MYO7B: variants seen among roughly 807,000 people sequenced by gnomAD.
MYO7B encodes the protein unconventional myosin-VIIb.
MYO7B carries 212 observed loss-of-function variants against 259.7 expected under a neutral mutation model. The ratio of observed to expected loss-of-function variants is 0.82; its 90% CI spans 0.73 to 0.91. The LOEUF is 0.91. Ranked by LOEUF, MYO7B falls within the 40% of genes least tolerant of loss-of-function variation. The pLI is 0.00. For synonymous variants in MYO7B, 1,197 were observed against 1,166.4 expected (o/e 1.03, Z -0.54); for missense variants, 2,732 against 2,813.5 (o/e 0.97, Z 0.66).
In MYO7B at chr2:127,627,171, C is replaced by G; in HGVS notation, c.4334-13C>G. On this transcript the variant is annotated splice_polypyrimidine_tract_variant and intron_variant, in intron 32 of 47. Transcript: ENST00000409816. The surrounding 1 kb of genome is among the most constrained non-coding windows in gnomAD (Gnocchi z 5.6). ...TCCCATGCAGCCTTCACACTGCCGT[C>G]TCTCCTGGCCAGGCCCCCGCCTGCC... The G allele has an allele frequency of 1.2e-6, 2 of 1,605,618 alleles. No individual in the cohort carries two copies. Among genetic ancestry groups the G allele is most frequent in the Non-Finnish European group, 1.7e-6 (2 of 1,176,272 alleles).
intron 39 of MYO7B, 58 bp from the exon 40 acceptor site, chr2:127,633,200 G>C (rs561685714): frequency 7.4e-7 from 1 of 1,355,566 alleles, no homozygotes; most frequent in East Asian, 2.5e-5. Context: ...ATCGGGGCTG[G>C]GGCATGGGTG....
intron 14 of MYO7B, among the ~76,000 whole-genome samples, chr2:127,588,045 T>G (rs1679368559): frequency 6.6e-6 from 1 of 152,238 alleles, no homozygotes; most frequent in African/African-American, 2.4e-5. Context: ...CCCATGACAC[T>G]GCCCCTCTCC....
chr2:127,580,070 G>T (rs1182534791), intron 9 of MYO7B, among the ~76,000 whole-genome samples: 1 of 152,194 alleles, frequency 6.6e-6, no homozygotes, highest in Non-Finnish European at 1.5e-5. Context: ...GCTTTAGCGT[G>T]GTTACGTGGT....
intron 26 of MYO7B, among the ~76,000 whole-genome samples, chr2:127,618,132 T>C (rs1680656428): frequency 6.6e-6 from 1 of 152,234 alleles, no homozygotes; most frequent in Non-Finnish European, 1.5e-5. Flanking sequence ...TGTTTGTCCC[T>C]GATTGTCCCT....
intron 2 of MYO7B, among the ~76,000 whole-genome samples, chr2:127,563,699 T>C (rs1033561307): frequency 4.6e-5 from 7 of 152,208 alleles, no homozygotes; most frequent in African/African-American, 1.7e-4. Flanking sequence ...GGGCCACCTT[T>C]TCAGCTTCCT....
chr2:127,545,427 C>A (rs981393841), intron 1 of MYO7B, among the ~76,000 whole-genome samples: 1 of 152,172 alleles, frequency 6.6e-6, no homozygotes, highest in Non-Finnish European at 1.5e-5. Context: ...GGTGAGCAGC[C>A]GCATGCTGGG....
intron 12 of MYO7B, among the ~76,000 whole-genome samples, chr2:127,583,829 G>A (rs1161445837): frequency 6.6e-6 from 1 of 152,224 alleles, no homozygotes; most frequent in Non-Finnish European, 1.5e-5. Context: ...GCCTGGTAGA[G>A]GACCCGGCAG....
rs1248129796 is a variant in MYO7B at position 127,592,962 on chromosome 2, G to A, written c.2145+16G>A. ...GCGGATGCAGGTCAGCGCCCCTCGGGGACGGTCACCTCTGGCCATCCGCGG... is the reference window on the plus strand; with the variant it reads ...GCGGATGCAGGTCAGCGCCCCTCGGAGACGGTCACCTCTGGCCATCCGCGG... On this transcript the variant is annotated intron_variant, in intron 17 of 47. Transcript: ENST00000409816. The A allele has an allele frequency of 2.5e-6, 4 of 1,573,336 alleles. No homozygotes were observed. Among genetic ancestry groups the A allele is most frequent in the Non-Finnish European group, 3.4e-6 (4 of 1,160,556 alleles).
chr2:127,571,219 G>T (rs1041750450), intron 6 of MYO7B, among the ~76,000 whole-genome samples: 2 of 152,182 alleles, frequency 1.3e-5, no homozygotes, highest in East Asian at 3.9e-4. Context: ...GGAACATTCT[G>T]GTTGTCCTGT....
Position 127,612,479 on chromosome 2 carries a change from G to A in MYO7B, c.3274G>A (p.Ala1092Thr), listed in dbSNP as rs556509946. ...ATGGCTGCCTTTGGGTTTCAAGGTG[G>A]CCAGCCAGCTGAACATTGGAGAGGA... ...KRSSRITGQVASQLNIGEEAL... is the reference protein window; with the variant it reads ...KRSSRITGQVTSQLNIGEEAL... Residue 1092 changes from alanine to threonine, a missense_variant, in exon 26 of 48, where the codon GCC (alanine) becomes ACC (threonine). Physicochemically the swap from Ala to Thr is moderately conservative, Grantham distance 58. This residue lies in a region of MYO7B where 1,906 missense variants were observed against 2,026.4 expected (regional missense o/e 0.94). Transcript: ENST00000409816. 3 of 1,553,148 alleles carry A rather than the reference G, an allele frequency of 1.9e-6. No individual in the cohort carries two copies. The Admixed American group carries it at 5.9e-5, about 30-fold the overall frequency.
chr2:127,579,381 C>T (rs1075775), intron 9 of MYO7B, among the ~76,000 whole-genome samples: 4,217 of 152,234 alleles, frequency 0.028, 219 homozygotes, highest in African/African-American at 0.096. Flanking sequence ...CATCTCACGC[C>T]ATGTGAGAAT....
Position 127,614,808 on chromosome 2 carries a change from GGT to G in MYO7B, c.3398+2207_3398+2208del, listed in dbSNP as rs1680509490. Among the ~76,000 whole-genome samples the G allele has an allele frequency of 1.3e-5, 2 of 152,214 alleles. No individual in the cohort carries two copies. The highest frequency in any genetic ancestry group is 4.8e-5 in the African/African-American group (2 of 41,462). ...CTTATCTTCCCTTATGCAGGCTGGA[GGT>G]GGCTTGGTGGCTGCACTAGTTCTGC... is the stretch of plus-strand genomic sequence containing the variant. On this transcript the variant is annotated intron_variant, in intron 26 of 47. Transcript: ENST00000409816. This position sits in a 1 kb window ranked among gnomAD's most constrained non-coding sequence, Gnocchi z 4.6.
chr2:127,623,947 C>T, intron 29 of MYO7B, 146 bp from the exon 30 acceptor site: 3 of 684,654 alleles, frequency 4.4e-6, no homozygotes, highest in Non-Finnish European at 7.3e-6. Context: ...CAGGTGTCCA[C>T]ACGGGCTCAG....
intron 19 of MYO7B, 150 bp from the exon 20 acceptor site, chr2:127,605,694 G>A: frequency 1.5e-6 from 1 of 667,138 alleles, no homozygotes; most frequent in Non-Finnish European, 2.5e-6. Flanking sequence ...TGCGTCTTTT[G>A]GTCTGTAACA....
intron 1 of MYO7B, among the ~76,000 whole-genome samples, chr2:127,541,441 C>T (rs2052954): frequency 0.88 from 133,417 of 152,228 alleles, 58,741 homozygotes; most frequent in East Asian, 1. Context: ...GTGAACGTCA[C>T]TACAAAGTGC....
In MYO7B at chr2:127,596,560, C is replaced by A; in HGVS notation, c.2339+4C>A. ...TCCTTCGGGGCTACAGATACAGGTGCCGGCCCCACCCCAAGGCCCACCCAG... is the reference window on the plus strand; with the variant it reads ...TCCTTCGGGGCTACAGATACAGGTGACGGCCCCACCCCAAGGCCCACCCAG... On this transcript the variant is annotated splice_donor_region_variant and intron_variant, in intron 19 of 47. Transcript: ENST00000409816. 6.2e-7 allele frequency: 1 copy of A among 1,606,798 alleles called. No individual in the cohort carries two copies. The highest frequency in any genetic ancestry group is 8.5e-7 in the Non-Finnish European group (1 of 1,176,888).
intron 1 of MYO7B, among the ~76,000 whole-genome samples, chr2:127,556,482 C>G (rs773389651): frequency 6.6e-5 from 10 of 152,038 alleles, no homozygotes; most frequent in Non-Finnish European, 1.2e-4. Context: ...TTTTATAGGT[C>G]CTATGAGATT....
chr2:127,603,444 T>C (rs1283456306), intron 19 of MYO7B, among the ~76,000 whole-genome samples: 2 of 152,260 alleles, frequency 1.3e-5, no homozygotes, highest in Non-Finnish European at 2.9e-5. Flanking sequence ...TCTCCTTGTA[T>C]GTCTTCATCA....
intron 19 of MYO7B, among the ~76,000 whole-genome samples, chr2:127,605,203 A>T (rs1013435795): frequency 1.3e-5 from 2 of 152,214 alleles, no homozygotes; most frequent in African/African-American, 4.8e-5. Flanking sequence ...TAGTGGCCAG[A>T]GGAGGGCCGT....
Sources: gnomAD v4.1 joint callset for allele counts (sites outside exome capture counted in the v4.1 genomes callset) on GRCh38, gnomAD v4.1.1 for gene constraint, gnomAD v4.1.1 regional missense constraint, Gnocchi (gnomAD v3.1) non-coding constraint, MANE v1.5 for transcripts, NCBI Gene and HGNC (gene_info 2026-07-23, HGNC 2026-07-21) for gene names.